Variants in ARAP2 observed in about 807,000 individuals in gnomAD.
ARAP2 encodes the protein arf-GAP with Rho-GAP domain, ANK repeat and PH domain-containing protein 2.
A neutral mutation model predicts 194.5 loss-of-function variants in ARAP2; 148 were observed. The ratio of observed to expected loss-of-function variants is 0.76; its 90% confidence interval spans 0.67 to 0.87. The LOEUF (loss-of-function observed/expected upper bound fraction) is 0.87, where lower values mean the gene tolerates loss of function less well. ARAP2 is among the 40% of genes least tolerant of loss of function. ARAP2 has a pLI of 0.00. For synonymous variants in ARAP2, 695 were observed against 683.5 expected, an observed-to-expected ratio of 1.02 and a Z score of -0.26; for missense variants, 2,128 against 1,989.7, an observed-to-expected ratio of 1.07 and a Z score of -1.32.
chr4:36,043,805 G>GAAGGT (rs1721280469), intron 5 of ARAP2, among the ~76,000 whole-genome samples: 1 of 57,524 alleles, frequency 1.7e-5, no homozygotes, highest in African/African-American at 5.3e-5. Flanking sequence ...GAAGGGAAGG[G>GAAGGT]AAGGGAAGGG....
intron 27 of ARAP2, among the ~76,000 whole-genome samples, chr4:36,098,396 AC>A (rs2109417932): frequency 6.6e-6 from 1 of 151,974 alleles, no homozygotes; most frequent in East Asian, 1.9e-4. Flanking sequence ...TCCATGTCCT[AC>A]CTTTCTAATG....
At chr4:36,243,400 A>G (rs930188471) in intron 1 of ARAP2, among the ~76,000 whole-genome samples, 1 of 149,850 alleles carries the variant, frequency 6.7e-6, no homozygotes, top group Non-Finnish European at 1.5e-5. Flanking sequence ...AAAAAAAAAA[A>G]AAAAAAGAAT....
In ARAP2 at chr4:36,068,092, G is replaced by C. The variant is rs752752978; in HGVS notation, c.4930C>G (p.Pro1644Ala). 6.2e-7 allele frequency: 1 copy of C among 1,614,034 alleles called. No homozygotes were observed. Among genetic ancestry groups the C allele is most frequent in the South Asian group, 1.1e-5 (1 of 91,058 alleles). ...NCLEDTEPEA[P>A]LGQPKGHKGL... ...TTATGGCCTTTTGGTTGCCCAAGTGGGGCTTCAGGCTCTGTGTCCTCCAGG... is the reference window on the plus strand; with the variant it reads ...TTATGGCCTTTTGGTTGCCCAAGTGCGGCTTCAGGCTCTGTGTCCTCCAGG... Residue 1644 changes from proline (P) to alanine (A), a missense_variant, in exon 33 of 33, where the codon CCA (proline) becomes GCA (alanine). Transcript: ENST00000303965.
chr4:36,124,825 G>A, intron 22 of ARAP2, 37 bp downstream of exon 22: 1 of 1,313,106 alleles, frequency 7.6e-7, no homozygotes, highest in Non-Finnish European at 1.1e-6. Flanking sequence ...TGAGTGCTGT[G>A]TTTGAAATGT....
chr4:36,227,780 A>C (rs1243575248), intron 2 of ARAP2, among the ~76,000 whole-genome samples: 1 of 152,194 alleles, frequency 6.6e-6, no homozygotes, highest in Admixed American at 6.5e-5. Context: ...GGGAAAAGCA[A>C]TATCCTACTC....
chr4:36,074,423 TTGCC>T (rs1387598132), intron 31 of ARAP2, among the ~76,000 whole-genome samples: 3 of 152,104 alleles, frequency 2.0e-5, no homozygotes, highest in African/African-American at 7.2e-5. Flanking sequence ...CTATATATTC[TTGCC>T]TTCTAAATAA....
At chr4:36,102,333 C>A (rs1346840990) in intron 27 of ARAP2, among the ~76,000 whole-genome samples, 1 of 152,002 alleles carries the variant, frequency 6.6e-6, no homozygotes, top group Non-Finnish European at 1.5e-5. Context: ...GAACTACAAT[C>A]CAGCTTTCAT....
intron 5 of ARAP2, among the ~76,000 whole-genome samples, chr4:36,033,368 T>C (rs1032996392): frequency 1.3e-5 from 2 of 152,152 alleles, no homozygotes; most frequent in Non-Finnish European, 2.9e-5. Flanking sequence ...TGGTATCTCA[T>C]GTGGTTTTGA....
intron 5 of ARAP2, among the ~76,000 whole-genome samples, chr4:36,021,490 G>A (rs11936026): frequency 0.019 from 2,907 of 152,128 alleles, 106 homozygotes; most frequent in African/African-American, 0.066. Flanking sequence ...ACAAGATCTG[G>A]TCATTGAAAA....
At chr4:36,070,540 G>A (rs932681860) in intron 32 of ARAP2, among the ~76,000 whole-genome samples, 1 of 152,140 alleles carries the variant, frequency 6.6e-6, no homozygotes, top group Admixed American at 6.5e-5. Context: ...GACAGAGCAG[G>A]TTTTACTTAT....
intron 28 of ARAP2, among the ~76,000 whole-genome samples, chr4:36,084,772 G>C (rs1730428935): frequency 6.6e-6 from 1 of 151,800 alleles, no homozygotes; most frequent in Non-Finnish European, 1.5e-5. Context: ...ATAATGCTGT[G>C]GTGACCAAAG....
intron 6 of ARAP2, among the ~76,000 whole-genome samples, chr4:36,206,718 T>C (rs1053332345): frequency 3.3e-5 from 5 of 152,230 alleles, no homozygotes; most frequent in African/African-American, 9.6e-5. Context: ...CTGCACTAAA[T>C]GGAAGCTACA....
chr4:36,154,211 ATTTG>A (rs1255089111), intron 15 of ARAP2, among the ~76,000 whole-genome samples: 4 of 152,138 alleles, frequency 2.6e-5, no homozygotes, highest in African/African-American at 9.7e-5. Flanking sequence ...GAAACTATGA[ATTTG>A]CTTCATGTTG....
At position 36,150,983 on chromosome 4, in the gene ARAP2, CTT is replaced by C. The variant is rs1487185742; in HGVS notation, c.2812_2813del (p.Lys938ValfsTer5). 4 of 1,612,310 alleles carry C rather than the reference CTT, an allele frequency of 2.5e-6. No individual in the cohort carries two copies. The highest frequency in any genetic ancestry group is 2.5e-6 in the Non-Finnish European group (3 of 1,179,216). On this transcript the variant is annotated frameshift_variant, in exon 16 of 33. Transcript: ENST00000303965. LOFTEE classifies it high-confidence loss of function. ...TAATGGTGCCATTAGGTGTGGTAGACTTATCATTTTCATAGTAACTCAAGAAG... is the reference window on the plus strand; with the variant it reads ...TAATGGTGCCATTAGGTGTGGTAGACATCATTTTCATAGTAACTCAAGAAG... ...GGFLSYYEND[K>X]STTPNGTINI...
chr4:36,133,452 A>G (rs1374314229), intron 19 of ARAP2, 63 bp from the exon 20 acceptor site: 1 of 1,434,346 alleles, frequency 7.0e-7, no homozygotes, highest in Non-Finnish European at 9.5e-7. Flanking sequence ...TCTTACTCCA[A>G]GACAGATTAC....
intron 6 of ARAP2, among the ~76,000 whole-genome samples, chr4:36,195,715 A>G (rs1742926026): frequency 6.6e-6 from 1 of 152,222 alleles, no homozygotes; most frequent in Admixed American, 6.5e-5. Flanking sequence ...TAAACCAACT[A>G]CAAAGAAATC....
intron 8 of ARAP2, among the ~76,000 whole-genome samples, chr4:36,014,506 T>C (rs1448405054): frequency 2.0e-5 from 3 of 152,186 alleles, no homozygotes; most frequent in Admixed American, 6.5e-5. Flanking sequence ...TAATTACAAT[T>C]TACATCACTA....
At chr4:36,213,812 A>G (rs1168312383) in intron 3 of ARAP2, among the ~76,000 whole-genome samples, 1 of 152,134 alleles carries the variant, frequency 6.6e-6, no homozygotes, top group Non-Finnish European at 1.5e-5. Context: ...CTAATGCCAT[A>G]GCTACTAATG....
intron 6 of ARAP2, among the ~76,000 whole-genome samples, chr4:36,017,563 G>GAAAAAA (rs1560270898): frequency 4.6e-4 from 3 of 6,522 alleles, no homozygotes; most frequent in Admixed American, 3.1e-3. Flanking sequence ...TAAGAAAGTG[G>GAAAAAA]TAAAAAAAAA....
Sources: gnomAD v4.1 joint callset for allele counts (sites outside exome capture counted in the v4.1 genomes callset) on GRCh38, gnomAD v4.1.1 for gene constraint, MANE v1.5 for transcripts, NCBI Gene and HGNC (gene_info 2026-07-23, HGNC 2026-07-21) for gene names.